The following ARHGAP15 variants were observed in gnomAD, a reference collection of about 807,000 sequenced individuals.
The protein encoded by ARHGAP15 is rho GTPase-activating protein 15.
ARHGAP15 carries 51 observed loss-of-function variants against 63.7 expected under a neutral mutation model. The observed-to-expected ratio is 0.80, with a 90% CI of 0.64 to 1.01. The LOEUF (loss-of-function observed/expected upper bound fraction) is 1.01. Ranked by LOEUF, ARHGAP15 falls within the 50% of genes least tolerant of loss-of-function variation. The pLI is 0.00. For missense variants in ARHGAP15, 560 were observed against 564.6 expected, an observed-to-expected ratio of 0.99 and a Z score of 0.08; for synonymous variants, 191 against 193.8, an observed-to-expected ratio of 0.99 and a Z score of 0.12.
At chr2:143,295,763 G>A (rs538137929) in intron 6 of ARHGAP15, 1 of 152,002 alleles carries the variant, frequency 6.6e-6, no homozygotes, top group Admixed American at 6.6e-5. Flanking sequence ...TTATTTTTTT[G>A]CATATATTTT....
intron 2 of ARHGAP15, among the ~76,000 whole-genome samples, chr2:143,192,727 A>G (rs1691729586): frequency 6.6e-6 from 1 of 152,136 alleles, no homozygotes; most frequent in South Asian, 2.1e-4. Context: ...CCTAGCTTGT[A>G]CCCTTGCCCT....
intron 10 of ARHGAP15, among the ~76,000 whole-genome samples, chr2:143,531,166 CCTAA>C (rs1393689975): frequency 5.3e-5 from 8 of 151,596 alleles, no homozygotes; most frequent in African/African-American, 1.9e-4. Context: ...GCTTTAATAT[CCTAA>C]CTGAGGACAT....
intron 9 of ARHGAP15, among the ~76,000 whole-genome samples, chr2:143,494,068 A>T (rs2104915159): frequency 6.6e-6 from 1 of 152,252 alleles, no homozygotes; most frequent in Admixed American, 6.5e-5. Context: ...CAGGATTTTT[A>T]AATTTTATTC....
intron 6 of ARHGAP15, among the ~76,000 whole-genome samples, chr2:143,285,224 AT>A (rs1000756632): frequency 2.0e-5 from 3 of 152,164 alleles, no homozygotes; most frequent in South Asian, 2.1e-4. Flanking sequence ...CCCAATACTA[AT>A]TGAGAAAATT....
chr2:143,444,122 G>A (rs1690023700), intron 8 of ARHGAP15, among the ~76,000 whole-genome samples: 1 of 152,028 alleles, frequency 6.6e-6, no homozygotes, highest in Admixed American at 6.6e-5. Context: ...TCTGACCCTG[G>A]CAATAACACC....
intron 9 of ARHGAP15, among the ~76,000 whole-genome samples, chr2:143,514,987 C>G (rs1693747102): frequency 6.6e-6 from 1 of 152,128 alleles, no homozygotes; most frequent in Non-Finnish European, 1.5e-5. Context: ...ACACTGCACA[C>G]TCTATTGGGT....
intron 13 of ARHGAP15, among the ~76,000 whole-genome samples, chr2:143,728,612 CAA>C (rs1490680151): frequency 6.6e-6 from 1 of 152,146 alleles, no homozygotes; most frequent in Non-Finnish European, 1.5e-5. Flanking sequence ...GGGAATGAAA[CAA>C]TGATGACTTT....
At chr2:143,599,182 G>T (rs1419478127) in intron 11 of ARHGAP15, among the ~76,000 whole-genome samples, 1 of 152,086 alleles carries the variant, frequency 6.6e-6, no homozygotes, top group Non-Finnish European at 1.5e-5. Context: ...TGTTTGCTAT[G>T]GAGTAAATCA....
At chr2:143,208,929 T>C (rs1283509506) in intron 3 of ARHGAP15, among the ~76,000 whole-genome samples, 1 of 152,162 alleles carries the variant, frequency 6.6e-6, no homozygotes, top group Non-Finnish European at 1.5e-5. Context: ...CCTCCTGAGC[T>C]AGGAGGATTT....
At chr2:143,416,841 C>A (rs1688709522) in intron 6 of ARHGAP15, among the ~76,000 whole-genome samples, 1 of 71,408 alleles carries the variant, frequency 1.4e-5, no homozygotes, top group African/African-American at 4.5e-5. Flanking sequence ...CCCCACGCCC[C>A]CACGCCCCCA....
intron 10 of ARHGAP15, among the ~76,000 whole-genome samples, chr2:143,542,325 C>T (rs34948734): frequency 0.21 from 32,100 of 152,014 alleles, 3,686 homozygotes; most frequent in Middle Eastern, 0.28. Flanking sequence ...TTGCACTTCC[C>T]GGGTGAGGCG....
intron 6 of ARHGAP15, among the ~76,000 whole-genome samples, chr2:143,413,966 T>TGCGCGCGCGCAC (rs1553476592): frequency 1.7e-5 from 2 of 117,910 alleles, no homozygotes; most frequent in Non-Finnish European, 1.7e-5. Flanking sequence ...TGTGTGTGTG[T>TGCGCGCGCGCAC]GCGCGCTCTC....
At chr2:143,423,613 A>T (rs1239990939) in intron 6 of ARHGAP15, among the ~76,000 whole-genome samples, 2 of 152,142 alleles carry the variant, frequency 1.3e-5, no homozygotes, top group Non-Finnish European at 2.9e-5. Context: ...TGACCTCTAG[A>T]TGTTATAAAG....
Position 143,620,838 on chromosome 2 carries a change from C to T in ARHGAP15, c.1004-3295C>T, listed in dbSNP as rs921793616. Among the ~76,000 whole-genome samples the T allele has an allele frequency of 7.9e-5, 12 of 152,268 alleles. No homozygotes were observed. The South Asian group carries it at 1.5e-3, about 18-fold the overall frequency. On this transcript the variant is annotated intron_variant, in intron 11 of 13. Transcript: ENST00000295095. ...TAAGCTCTAAGTAATTGTTGGTTATCGCTTTCGTTGCAAAGTAGCCTGAAT... is the reference window on the plus strand; with the variant it reads ...TAAGCTCTAAGTAATTGTTGGTTATTGCTTTCGTTGCAAAGTAGCCTGAAT...
At chr2:143,344,861 A>G (rs1261434251) in intron 6 of ARHGAP15, among the ~76,000 whole-genome samples, 1 of 152,138 alleles carries the variant, frequency 6.6e-6, no homozygotes, top group East Asian at 1.9e-4. Flanking sequence ...GGAATATCAC[A>G]TAGTCAAAAG....
chr2:143,413,966 T>TGTGTGCGCGCGCGCGCGCGCGCACGC, intron 6 of ARHGAP15, among the ~76,000 whole-genome samples: 3 of 117,910 alleles, frequency 2.5e-5, no homozygotes, highest in African/African-American at 1.1e-4. Context: ...TGTGTGTGTG[T>TGTGTGCGCGCGCGCGCGCGCGCACGC]GCGCGCTCTC....
chr2:143,742,001 A>T (rs1456579734), intron 13 of ARHGAP15, among the ~76,000 whole-genome samples: 1 of 152,230 alleles, frequency 6.6e-6, no homozygotes, highest in African/African-American at 2.4e-5. Context: ...TGATCCCATT[A>T]AAGAAGGAGC....
At position 143,438,140 on chromosome 2, in the gene ARHGAP15, T is replaced by A. The variant is rs182519108; in HGVS notation, c.703+1098T>A. On this transcript the variant is annotated intron_variant, in intron 8 of 13. Coordinates refer to ENST00000295095, the MANE Select transcript of ARHGAP15 (RefSeq NM_018460.4). ...TGACCCCAATCTTGCAAATCATCAT[T>A]TTTTTCCTGCTATTTCCCTCTGACA... 2.0e-5 allele frequency among the ~76,000 whole-genome samples: 3 copies of A among 152,214 alleles called. No individual in the cohort carries two copies. The East Asian group carries it at 5.8e-4, about 29-fold the overall frequency.
At chr2:143,262,809 T>C (rs1238662916) in intron 6 of ARHGAP15, among the ~76,000 whole-genome samples, 1 of 152,058 alleles carries the variant, frequency 6.6e-6, no homozygotes, top group East Asian at 1.9e-4. Context: ...CAGCTTTGAG[T>C]TCATGATACT....
Sources: gnomAD v4.1 joint callset for allele counts (sites outside exome capture counted in the v4.1 genomes callset) on GRCh38, gnomAD v4.1.1 for gene constraint, MANE v1.5 for transcripts, NCBI Gene and HGNC (gene_info 2026-07-23, HGNC 2026-07-21) for gene names.